CDIN1: variants seen among roughly 807,000 people sequenced by gnomAD.
The protein encoded by CDIN1 is CDAN1 interacting nuclease 1.
CDIN1 carries 33 observed loss-of-function variants against 45.3 expected under a neutral mutation model. The observed-to-expected ratio is 0.73, with a 90% CI of 0.55 to 0.97. The LOEUF (loss-of-function observed/expected upper bound fraction) is 0.97, where lower values mean the gene tolerates loss of function less well. CDIN1 is among the 50% of genes least tolerant of loss of function. CDIN1 has a pLI of 0.00. For missense variants in CDIN1, 303 were observed against 339.4 expected, an observed-to-expected ratio of 0.89 and a Z score of 0.84; for synonymous variants, 118 against 124.4, an observed-to-expected ratio of 0.95 and a Z score of 0.34.
At chr15:36,657,956 T>TA in intron 5 of CDIN1, 51 bp downstream of exon 5, 2 of 1,444,388 alleles carry the variant, frequency 1.4e-6, no homozygotes, top group Non-Finnish European at 9.6e-7. Flanking sequence ...TTCCCCAATT[T>TA]AAAAATAATT....
At chr15:36,672,841 CT>C (rs959750583) in intron 5 of CDIN1, among the ~76,000 whole-genome samples, 20 of 151,572 alleles carry the variant, frequency 1.3e-4, no homozygotes, top group African/African-American at 4.4e-4. Flanking sequence ...TACTAAGTGC[CT>C]TTTTATTTTT....
At chr15:36,724,519 G>T (rs1459124993) in intron 10 of CDIN1, among the ~76,000 whole-genome samples, 1 of 152,188 alleles carries the variant, frequency 6.6e-6, no homozygotes, top group East Asian at 1.9e-4. Flanking sequence ...AATAGCTTCA[G>T]TTGGGATGTT....
intron 1 of CDIN1, among the ~76,000 whole-genome samples, chr15:36,591,016 A>G (rs1020021325): frequency 6.6e-6 from 1 of 152,218 alleles, no homozygotes; most frequent in Non-Finnish European, 1.5e-5. Flanking sequence ...ACTTTGTTTA[A>G]TCTAGGAATG....
intron 10 of CDIN1, among the ~76,000 whole-genome samples, chr15:36,730,702 C>T (rs933840757): frequency 6.6e-6 from 1 of 151,930 alleles, no homozygotes; most frequent in Non-Finnish European, 1.5e-5. Flanking sequence ...TATCCCTCAC[C>T]CCACAAATGT....
chr15:36,764,214 G>GTTTTTTTTTTTTTT (rs11297312), intron 10 of CDIN1, among the ~76,000 whole-genome samples: 1 of 116,292 alleles, frequency 8.6e-6, no homozygotes. Context: ...TGTGGTTTTG[G>GTTTTTTTTTTTTTT]TTTTTTTTTT....
chr15:36,750,424 A>C (rs2053429180), intron 10 of CDIN1, among the ~76,000 whole-genome samples: 1 of 152,224 alleles, frequency 6.6e-6, no homozygotes, highest in Non-Finnish European at 1.5e-5. Context: ...GCAAAGGCTC[A>C]GAAAGATAAA....
At chr15:36,715,730 T>C (rs1367667833) in intron 10 of CDIN1, among the ~76,000 whole-genome samples, 2 of 152,176 alleles carry the variant, frequency 1.3e-5, no homozygotes, top group African/African-American at 2.4e-5. Context: ...GCTTTTTCTA[T>C]CTCTTAAAAT....
At position 36,689,131 on chromosome 15, in the gene CDIN1, A is replaced by G. The variant is rs968258030; in HGVS notation, c.347-2554A>G. Among the ~76,000 whole-genome samples the G allele has an allele frequency of 4.6e-5, 7 of 152,356 alleles. No homozygotes were observed. The East Asian group carries it at 1.3e-3, about 29-fold the overall frequency. On this transcript the variant is annotated intron_variant, in intron 5 of 10. Coordinates refer to ENST00000566621, the MANE Select transcript of CDIN1 (RefSeq NM_001321759.2). ...TTCAACATATTCAGACTTTTAAAAA[A>G]AAGTTTATTGCCTATGATTCTTAAT...
At chr15:36,582,448 G>T (rs1049960439) in intron 1 of CDIN1, among the ~76,000 whole-genome samples, 7 of 152,146 alleles carry the variant, frequency 4.6e-5, no homozygotes, top group Non-Finnish European at 8.8e-5. Flanking sequence ...TGTTTTTCCT[G>T]CACGTGTGTG....
Position 36,579,734 on chromosome 15 carries a change from G to T in CDIN1, c.-127G>T, listed in dbSNP as rs2036948502. On this transcript the variant is annotated 5_prime_UTR_variant, in exon 1 of 11. Transcript: ENST00000566621. Reference sequence around the variant, plus strand: ...GGGGTGTGTTTCAGGGGGGATTGGGGCAAGCCAAGCAGGCGAGGACCCGGG... The same window carrying T: ...GGGGTGTGTTTCAGGGGGGATTGGGTCAAGCCAAGCAGGCGAGGACCCGGG... 5 of 706,958 alleles carry T rather than the reference G, an allele frequency of 7.1e-6. No individual in the cohort carries two copies. Among genetic ancestry groups the T allele is most frequent in the Non-Finnish European group, 1.2e-5 (5 of 428,888 alleles). 43.8% of individuals were successfully genotyped at this position (706,958 alleles called of 1,614,324 possible).
chr15:36,711,886 C>G (rs1454324069), intron 10 of CDIN1, among the ~76,000 whole-genome samples: 1 of 152,118 alleles, frequency 6.6e-6, no homozygotes, highest in African/African-American at 2.4e-5. Context: ...AAATTTGTAA[C>G]ATATGATAAT....
chr15:36,733,135 A>G (rs975163877), intron 10 of CDIN1, among the ~76,000 whole-genome samples: 2 of 152,050 alleles, frequency 1.3e-5, no homozygotes, highest in Non-Finnish European at 2.9e-5. Context: ...TGAATTAGAG[A>G]GTTTATAAAT....
intron 10 of CDIN1, among the ~76,000 whole-genome samples, chr15:36,731,206 G>T (rs896583549): frequency 6.6e-6 from 1 of 152,072 alleles, no homozygotes; most frequent in Non-Finnish European, 1.5e-5. Flanking sequence ...TGATTTATGG[G>T]AATGTAATGA....
At chr15:36,617,093 T>A (rs2038932004) in intron 1 of CDIN1, 5 of 807,414 alleles carry the variant, frequency 6.2e-6, no homozygotes, top group South Asian at 2.7e-5. Context: ...GACGACATGT[T>A]GTTTTTCGTG....
At chr15:36,732,994 A>C (rs1054852797) in intron 10 of CDIN1, among the ~76,000 whole-genome samples, 3 of 152,098 alleles carry the variant, frequency 2.0e-5, no homozygotes, top group Admixed American at 2.0e-4. Context: ...ATTTATTCAA[A>C]ATATGACAGA....
chr15:36,791,753 C>G (rs1268226618), intron 10 of CDIN1, among the ~76,000 whole-genome samples: 3 of 152,048 alleles, frequency 2.0e-5, no homozygotes, highest in Non-Finnish European at 2.9e-5. Flanking sequence ...AAGTGATCAT[C>G]GATGTGTTTT....
At chr15:36,674,477 A>C (rs972352074) in intron 5 of CDIN1, among the ~76,000 whole-genome samples, 2 of 152,196 alleles carry the variant, frequency 1.3e-5, no homozygotes, top group African/African-American at 4.8e-5. Context: ...ATGTTGGTCA[A>C]GCTTCAATTA....
At chr15:36,648,371 A>T (rs947355151) in intron 3 of CDIN1, among the ~76,000 whole-genome samples, 9 of 151,652 alleles carry the variant, frequency 5.9e-5, no homozygotes, top group African/African-American at 2.2e-4. Context: ...ATCATATGAA[A>T]GTATCATAAT....
chr15:36,678,017 T>C (rs1329657787), intron 5 of CDIN1, among the ~76,000 whole-genome samples: 1 of 152,240 alleles, frequency 6.6e-6, no homozygotes, highest in Non-Finnish European at 1.5e-5. Context: ...TGTCCTTACA[T>C]AATACTTTTA....
Sources: gnomAD v4.1 joint callset for allele counts (sites outside exome capture counted in the v4.1 genomes callset) on GRCh38, gnomAD v4.1.1 for gene constraint, MANE v1.5 for transcripts, NCBI Gene and HGNC (gene_info 2026-07-23, HGNC 2026-07-21) for gene names.